ZNF599: variants seen among roughly 807,000 people sequenced by gnomAD.
The protein encoded by ZNF599 is zinc finger protein 599.
Under a neutral mutation model 11.7 loss-of-function variants are expected in ZNF599, and 10 were observed. That is an observed-to-expected ratio of 0.86 (90% CI 0.53 to 1.45). The LOEUF (loss-of-function observed/expected upper bound fraction) is 1.45. Among genes scored for constraint, ZNF599 ranks in the 40% most tolerant of loss-of-function variants. The pLI, the probability that ZNF599 is intolerant of heterozygous loss-of-function variation, is 0.00. For synonymous variants in ZNF599, 232 were observed against 253.2 expected (o/e 0.92, Z 0.79); for missense variants, 688 against 713.6 (o/e 0.96, Z 0.41).
chr19:34,767,348 A>C lies in ZNF599; in HGVS notation c.209T>G (p.Val70Gly), dbSNP rs1355335432. The C allele has an allele frequency of 1.4e-5, 22 of 1,614,128 alleles. No homozygotes were observed. The highest frequency in any genetic ancestry group is 1.8e-5 in the Non-Finnish European group (21 of 1,180,010). Residue 70 changes from valine to glycine, a missense_variant, in exon 3 of 4, where the codon GTG (valine) becomes GGG (glycine). Transcript: ENST00000329285. ...GGTGCTTTGGGAGAGGCCTCTCTTC[A>C]CTGTCCACAGTTCCTGTCCATGTTC... ...LLEHGQELWT[V>G]KRGLSQSTCA...
chr19:34,794,869 C>A, the ZNF599 span, among the ~76,000 whole-genome samples: 28 of 152,274 alleles, frequency 1.8e-4, no homozygotes, highest in African/African-American at 6.5e-4. Flanking sequence ...CCATGCCTGG[C>A]CCTCCTTCTT....
At chr19:34,804,086 C>T in the ZNF599 span, among the ~76,000 whole-genome samples, 8 of 152,204 alleles carry the variant, frequency 5.3e-5, no homozygotes, top group Admixed American at 2.0e-4. Flanking sequence ...GCCTCACCTT[C>T]TGGCTGTTTC....
chr19:34,787,951 G>A, the ZNF599 span, among the ~76,000 whole-genome samples: 1 of 152,082 alleles, frequency 6.6e-6, no homozygotes, highest in Non-Finnish European at 1.5e-5. Flanking sequence ...AACCAACTGT[G>A]GATTAAAAAT....
In ZNF599 at chr19:34,759,319, GAAGGAAGAGCTATAGTA is replaced by G; in HGVS notation, c.1465_1481del (p.Tyr489HisfsTer16). The G allele has an allele frequency of 6.2e-7, 1 of 1,614,120 alleles. No individual in the cohort carries two copies. The highest frequency in any genetic ancestry group is 2.2e-5 in the East Asian group (1 of 44,876). On this transcript the variant is annotated frameshift_variant, in exon 4 of 4. Transcript: ENST00000329285. LOFTEE classifies it low-confidence loss of function (END_TRUNC). Reference sequence around the variant, plus strand: ...CAGTGTGAATCCTCATGTGTCGAGTGAAGGAAGAGCTATAGTAAAAGGCTTTTGCACATTCTTTGCAC... The same window carrying G: ...CAGTGTGAATCCTCATGTGTCGAGTGAAAGGCTTTTGCACATTCTTTGCAC...
chr19:34,788,894 T>A, the ZNF599 span, among the ~76,000 whole-genome samples: 1 of 152,356 alleles, frequency 6.6e-6, no homozygotes, highest in Non-Finnish European at 1.5e-5. Context: ...GACATTAGAA[T>A]GACTAATCTA....
the ZNF599 span, among the ~76,000 whole-genome samples, chr19:34,800,545 CATTT>C: frequency 2.1e-5 from 3 of 141,650 alleles, no homozygotes; most frequent in Admixed American, 7.0e-5. Context: ...CGAAGGCATT[CATTT>C]GTGTTAACAA....
the ZNF599 span, among the ~76,000 whole-genome samples, chr19:34,785,702 C>T: frequency 6.6e-6 from 1 of 152,176 alleles, no homozygotes; most frequent in African/African-American, 2.4e-5. Context: ...CAGTGAGCAA[C>T]ATGAACAGGG....
chr19:34,771,809 G>A (rs1159027874), intron 1 of ZNF599, among the ~76,000 whole-genome samples: 1 of 152,146 alleles, frequency 6.6e-6, no homozygotes, highest in Non-Finnish European at 1.5e-5. Context: ...TTTGGGCCTG[G>A]GGATGAAAAA....
At chr19:34,761,399 A>G (rs968685516) in intron 3 of ZNF599, among the ~76,000 whole-genome samples, 9 of 152,236 alleles carry the variant, frequency 5.9e-5, no homozygotes, top group African/African-American at 2.2e-4. Context: ...AATTCAATAC[A>G]ACATCAGATA....
At chr19:34,764,252 C>G (rs745605849) in intron 3 of ZNF599, 2 of 152,168 alleles carry the variant, frequency 1.3e-5, no homozygotes, top group Non-Finnish European at 2.9e-5. Context: ...ACACCACTAC[C>G]AGGCATCAAA....
At chr19:34,794,950 G>C in the ZNF599 span, among the ~76,000 whole-genome samples, 5 of 152,104 alleles carry the variant, frequency 3.3e-5, no homozygotes, top group African/African-American at 1.2e-4. Flanking sequence ...TATGGGCATA[G>C]GTCCTGCCTA....
At chr19:34,773,428 A>G (rs1460474686), upstream of ZNF599, among the ~76,000 whole-genome samples, 1 of 151,918 alleles carries the variant, frequency 6.6e-6, no homozygotes, top group East Asian at 1.9e-4. Context: ...GGAGAGGCAC[A>G]CAGAGTTCCG....
At chr19:34,766,152 G>C (rs886664798) in intron 3 of ZNF599, among the ~76,000 whole-genome samples, 1 of 152,184 alleles carries the variant, frequency 6.6e-6, no homozygotes, top group African/African-American at 2.4e-5. Flanking sequence ...GAATAGGGGA[G>C]AGGGGTGAAG....
At chr19:34,800,586 G>GCTT in the ZNF599 span, among the ~76,000 whole-genome samples, 2 of 112,978 alleles carry the variant, frequency 1.8e-5, no homozygotes, top group Non-Finnish European at 3.4e-5. Flanking sequence ...CATTTCCTTT[G>GCTT]TTTTTTTTTT....
At chr19:34,793,937 T>G in the ZNF599 span, among the ~76,000 whole-genome samples, 1 of 152,136 alleles carries the variant, frequency 6.6e-6, no homozygotes, top group Non-Finnish European at 1.5e-5. Flanking sequence ...GTTTTCACGC[T>G]GCAGATAAAG....
chr19:34,769,063 G>C (rs549181246), intron 2 of ZNF599, among the ~76,000 whole-genome samples: 1 of 152,324 alleles, frequency 6.6e-6, no homozygotes, highest in African/African-American at 2.4e-5. Context: ...CTTAGTGTCT[G>C]TGTCAATCAC....
At chr19:34,777,366 AT>A (rs2069222271), upstream of ZNF599, among the ~76,000 whole-genome samples, 1 of 90,644 alleles carries the variant, frequency 1.1e-5, no homozygotes, top group African/African-American at 5.0e-5. Flanking sequence ...ATATTAATAT[AT>A]TATATATTAT....
At chr19:34,769,217 G>A (rs1235955493) in intron 2 of ZNF599, among the ~76,000 whole-genome samples, 1 of 152,184 alleles carries the variant, frequency 6.6e-6, no homozygotes, top group African/African-American at 2.4e-5. Context: ...CTAGACAGTG[G>A]GATAAAAGTG....
chr19:34,780,039 TCA>T, the ZNF599 span: 1 of 153,312 alleles, frequency 6.5e-6, no homozygotes, highest in African/African-American at 2.4e-5. Context: ...CTTCAAGTCT[TCA>T]CAAGCAAGGT....
Sources: allele counts gnomAD v4.1 joint callset (sites outside exome capture counted in the v4.1 genomes callset), GRCh38; gene constraint gnomAD v4.1.1; transcripts MANE v1.5; gene names NCBI Gene and HGNC (gene_info 2026-07-23, HGNC 2026-07-21).